Variants in DNAH14 observed in about 807,000 individuals in gnomAD.
DNAH14 encodes the protein axonemal beta dynein heavy chain 14.
In DNAH14, 478 loss-of-function variants were observed where a neutral mutation model predicts 520.9. That is an observed-to-expected ratio of 0.92 (90% confidence interval 0.85 to 0.99). The LOEUF (loss-of-function observed/expected upper bound fraction) is 0.99. Ranked by LOEUF, DNAH14 falls within the 50% of genes least tolerant of loss-of-function variation. The pLI, the probability that DNAH14 is intolerant of heterozygous loss-of-function variation, is 0.00. For synonymous variants in DNAH14, 1,581 were observed against 1,757.2 expected, an observed-to-expected ratio of 0.90 and a Z score of 2.51; for missense variants, 4,831 against 5,234.5, an observed-to-expected ratio of 0.92 and a Z score of 2.38.
intron 36 of DNAH14, among the ~76,000 whole-genome samples, chr1:225,175,567 C>A (rs924867429): frequency 6.6e-6 from 1 of 151,720 alleles, no homozygotes; most frequent in South Asian, 2.1e-4. Context: ...TTTTAAAAAT[C>A]TTTTCAATAA....
intron 84 of DNAH14, among the ~76,000 whole-genome samples, chr1:225,394,139 A>AT (rs1424061305): frequency 2.0e-5 from 3 of 152,114 alleles, no homozygotes; most frequent in Non-Finnish European, 2.9e-5. Flanking sequence ...TATCTTTATG[A>AT]TTTTAAATTG....
intron 38 of DNAH14, among the ~76,000 whole-genome samples, chr1:225,201,558 C>T (rs1188517812): frequency 6.6e-6 from 1 of 152,142 alleles, no homozygotes; most frequent in African/African-American, 2.4e-5. Context: ...ACAGGGTATT[C>T]CCTTAATGTA....
Position 224,968,798 on chromosome 1 carries a change from A to T in DNAH14, c.691A>T (p.Ile231Leu), listed in dbSNP as rs1004940430. The change falls in exon 7 of 86, where the codon ATA becomes TTA. Residue 231 changes from isoleucine (I) to leucine (L), a missense_variant. Physicochemically the swap from Ile to Leu is conservative, Grantham distance 5 (BLOSUM62 2). Transcript: ENST00000682510. ...TGGTAGTGTAAAGGAAGTAGAACTC[A>T]TACCTACTTTGGAATGGCTATCAGA... ...IVGSVKEVEL[I>L]PTLEWLSERR... 1.3e-6 allele frequency: 2 copies of T among 1,538,912 alleles called. No homozygotes were observed. Among genetic ancestry groups the T allele is most frequent in the African/African-American group, 1.4e-5 (1 of 72,082 alleles).
intron 75 of DNAH14, among the ~76,000 whole-genome samples, chr1:225,362,757 A>C (rs1315254260): frequency 6.6e-6 from 1 of 152,224 alleles, no homozygotes; most frequent in African/African-American, 2.4e-5. Context: ...TAGATATTTA[A>C]GATGACCACT....
At chr1:225,302,539 T>C (rs1379385757) in intron 56 of DNAH14, among the ~76,000 whole-genome samples, 1 of 152,152 alleles carries the variant, frequency 6.6e-6, no homozygotes, top group Non-Finnish European at 1.5e-5. Flanking sequence ...CAAAGTGATA[T>C]CTGGAAATAA....
At chr1:225,009,445 T>C (rs1292353565) in intron 10 of DNAH14, among the ~76,000 whole-genome samples, 2 of 152,202 alleles carry the variant, frequency 1.3e-5, no homozygotes, top group Non-Finnish European at 2.9e-5. Flanking sequence ...GAGGCCTCTG[T>C]TCTGTTCCAT....
rs1051730219 is a variant in DNAH14 at position 224,929,726 on chromosome 1, C to G, written c.-143C>G. 1.4e-6 allele frequency: 1 copy of G among 702,298 alleles called. No individual in the cohort carries two copies. The highest frequency in any genetic ancestry group is 1.7e-5 in the African/African-American group (1 of 57,274). The allele number at this position is 702,298 out of a possible 1,614,324, so 43.5% of individuals were successfully genotyped here. On this transcript the variant is annotated 5_prime_UTR_variant, in exon 1 of 86. Coordinates refer to ENST00000682510, the MANE Select transcript of DNAH14 (RefSeq NM_001367479.1). ...CGGAGCCTGGCGTGGTAGGGCTGTGCTGCGCGGTCCTTCCCATTCACCCTA... is the reference window on the plus strand; with the variant it reads ...CGGAGCCTGGCGTGGTAGGGCTGTGGTGCGCGGTCCTTCCCATTCACCCTA...
chr1:225,079,849 A>G (rs1156647468), intron 18 of DNAH14, among the ~76,000 whole-genome samples: 1 of 151,160 alleles, frequency 6.6e-6, no homozygotes, highest in Non-Finnish European at 1.5e-5. Flanking sequence ...AATTTTTTGT[A>G]TTTTTAGTAG....
chr1:225,012,184 G>A (rs1054464357), intron 10 of DNAH14, among the ~76,000 whole-genome samples: 1 of 152,054 alleles, frequency 6.6e-6, no homozygotes, highest in Admixed American at 6.6e-5. Context: ...TGTCTTTAAA[G>A]GATATTATTT....
At chr1:225,053,430 A>G (rs1226278365) in intron 17 of DNAH14, among the ~76,000 whole-genome samples, 1 of 152,188 alleles carries the variant, frequency 6.6e-6, no homozygotes, top group Non-Finnish European at 1.5e-5. Context: ...ATTATTCTTA[A>G]GACTATAGGA....
At chr1:225,070,819 T>G (rs1036320542) in intron 17 of DNAH14, among the ~76,000 whole-genome samples, 6 of 151,762 alleles carry the variant, frequency 4.0e-5, no homozygotes, top group Non-Finnish European at 5.9e-5. Context: ...CCCACTATTA[T>G]TGTGGCAAGG....
intron 49 of DNAH14, among the ~76,000 whole-genome samples, chr1:225,267,815 G>A (rs2093172586): frequency 6.6e-6 from 1 of 151,610 alleles, no homozygotes; most frequent in African/African-American, 2.4e-5. Flanking sequence ...TGGCATGTGA[G>A]CGCTATCAGG....
At chr1:225,075,205 A>G (rs1038550861) in intron 17 of DNAH14, among the ~76,000 whole-genome samples, 6 of 152,178 alleles carry the variant, frequency 3.9e-5, no homozygotes, top group Non-Finnish European at 7.3e-5. Flanking sequence ...CTGTGGTCAC[A>G]CATTCACTCA....
At chr1:224,957,940 T>C (rs1290829973) in intron 3 of DNAH14, among the ~76,000 whole-genome samples, 1 of 151,928 alleles carries the variant, frequency 6.6e-6, no homozygotes, top group Admixed American at 6.6e-5. Context: ...TGCTTGGATA[T>C]GCAAAAGAAA....
intron 47 of DNAH14, 133 bp downstream of exon 47, chr1:225,264,394 A>C (rs905288965): frequency 1.3e-6 from 1 of 790,280 alleles, no homozygotes; most frequent in Non-Finnish European, 2.0e-6. Flanking sequence ...AGTCTCAAAA[A>C]CTATCCCACA....
intron 65 of DNAH14, 34 bp from the exon 66 acceptor site, chr1:225,333,257 A>G (rs2094841246): frequency 6.8e-7 from 1 of 1,467,758 alleles, no homozygotes. Flanking sequence ...AATATATTTT[A>G]TATAGAATAA....
chr1:225,122,446 C>T (rs989417414), intron 26 of DNAH14, among the ~76,000 whole-genome samples: 6 of 152,080 alleles, frequency 3.9e-5, no homozygotes, highest in African/African-American at 1.4e-4. Flanking sequence ...CTCTACTGTG[C>T]CTCTAGGTCA....
chr1:225,158,597 G>A (rs1243516182), intron 34 of DNAH14, among the ~76,000 whole-genome samples: 5 of 152,138 alleles, frequency 3.3e-5, no homozygotes, highest in Non-Finnish European at 1.5e-5. Context: ...TAGAGCTGAG[G>A]TTATGTTACT....
At chr1:224,937,155 A>G (rs1002766064) in intron 1 of DNAH14, among the ~76,000 whole-genome samples, 18 of 145,292 alleles carry the variant, frequency 1.2e-4, no homozygotes, top group African/African-American at 4.4e-4. Context: ...GAACAAGACA[A>G]ATATACCCAC....
Sources: gnomAD v4.1 joint callset for allele counts (sites outside exome capture counted in the v4.1 genomes callset) on GRCh38, gnomAD v4.1.1 for gene constraint, MANE v1.5 for transcripts, NCBI Gene and HGNC (gene_info 2026-07-23, HGNC 2026-07-21) for gene names.